The following ZNF248 variants were observed in gnomAD, a reference collection of about 807,000 sequenced individuals.
ZNF248 encodes the protein zinc finger protein 248.
A neutral mutation model predicts 44.3 loss-of-function variants in ZNF248; 20 were observed. The observed-to-expected ratio is 0.45, with a 90% CI of 0.32 to 0.66. The LOEUF (loss-of-function observed/expected upper bound fraction) is 0.66. Ranked by LOEUF, ZNF248 falls within the 30% of genes least tolerant of loss-of-function variation. ZNF248 has a pLI of 0.04. For synonymous variants in ZNF248, 224 were observed against 229.0 expected (o/e 0.98, Z 0.20); for missense variants, 654 against 677.0 (o/e 0.97, Z 0.38).
intron 6 of ZNF248, among the ~76,000 whole-genome samples, chr10:37,790,873 T>C (rs956574873): frequency 1.8e-4 from 27 of 149,332 alleles, no homozygotes; most frequent in African/African-American, 5.9e-4. Flanking sequence ...TGAGCCATGA[T>C]TGAACAACTG....
At chr10:37,828,511 CT>C (rs910061671), downstream of ZNF248, among the ~76,000 whole-genome samples, 11 of 152,254 alleles carry the variant, frequency 7.2e-5, no homozygotes, top group African/African-American at 2.6e-4. Context: ...TCTAGGAGGG[CT>C]TGTCACTGGC....
chr10:37,782,626 T>C (rs1673933874), intron 6 of ZNF248, among the ~76,000 whole-genome samples: 1 of 152,154 alleles, frequency 6.6e-6, no homozygotes, highest in Admixed American at 6.5e-5. Flanking sequence ...TAGGCCCTTT[T>C]CTAATGACTG....
intron 5 of ZNF248, among the ~76,000 whole-genome samples, chr10:37,835,837 G>A (rs573661820): frequency 3.3e-5 from 5 of 152,304 alleles, no homozygotes; most frequent in Non-Finnish European, 2.9e-5. Context: ...ATCATCTTAA[G>A]TTGATGCCTT....
At chr10:37,833,644 T>G (rs1348719329) in intron 5 of ZNF248, among the ~76,000 whole-genome samples, 1 of 152,108 alleles carries the variant, frequency 6.6e-6, no homozygotes, top group East Asian at 1.9e-4. Flanking sequence ...AGCAAGAAAA[T>G]TAACATTCTG....
chr10:37,773,077 T>C (rs1428586214), downstream of ZNF248, among the ~76,000 whole-genome samples: 2 of 152,060 alleles, frequency 1.3e-5, no homozygotes, highest in Non-Finnish European at 2.9e-5. Context: ...CGAAACCCCG[T>C]CCCTACTAAA....
chr10:37,763,816 C>G, the ZNF248 span, among the ~76,000 whole-genome samples: 1 of 152,212 alleles, frequency 6.6e-6, no homozygotes, highest in Admixed American at 6.5e-5. Flanking sequence ...TTACTGCAAT[C>G]TCTGAACATA....
chr10:37,801,507 G>A (rs1287726954), intron 6 of ZNF248, among the ~76,000 whole-genome samples: 1 of 151,962 alleles, frequency 6.6e-6, no homozygotes, highest in Non-Finnish European at 1.5e-5. Flanking sequence ...TAAAATGCAA[G>A]AGAAAAACTT....
chr10:37,771,565 G>A (rs1490778346), downstream of ZNF248, among the ~76,000 whole-genome samples: 2 of 146,144 alleles, frequency 1.4e-5, no homozygotes, highest in Non-Finnish European at 3.0e-5. Context: ...ATAGGTGGGA[G>A]TTGAACAATG....
downstream of ZNF248, chr10:37,828,654 A>C (rs1192874474): frequency 1.0e-6 from 1 of 983,178 alleles, no homozygotes; most frequent in Admixed American, 6.1e-5. Flanking sequence ...TACTAGAAGA[A>C]TGCAGAAAAG....
chr10:37,806,350 C>A (rs1051195457), intron 6 of ZNF248, among the ~76,000 whole-genome samples: 16 of 152,186 alleles, frequency 1.1e-4, no homozygotes, highest in Non-Finnish European at 5.9e-5. Flanking sequence ...GTTTCAACTT[C>A]TCCACATCCT....
chr10:37,837,202 C>G (rs1390026369), intron 5 of ZNF248, among the ~76,000 whole-genome samples: 1 of 152,074 alleles, frequency 6.6e-6, no homozygotes, highest in African/African-American at 2.4e-5. Context: ...CAACCTCCAC[C>G]TCCCAGGTTC....
At chr10:37,853,683 G>A (rs559530279) in intron 3 of ZNF248, among the ~76,000 whole-genome samples, 20 of 152,070 alleles carry the variant, frequency 1.3e-4, no homozygotes, top group Admixed American at 6.6e-4. Context: ...CCCGGCCACC[G>A]GAATGGTATT....
At position 37,819,070 on chromosome 10, in the gene ZNF248, C is replaced by G; in HGVS notation, c.330+13955G>C. On this transcript the variant is annotated intron_variant, in intron 6 of 6. Transcript: ENST00000615949. ...TGTAGCTATCATCATCCATGATCTT[C>G]GAAAGACCAAGCTCTGTAATTTTTC... The G allele has an allele frequency of 5.0e-6, 4 of 795,364 alleles. No individual in the cohort carries two copies. The South Asian group carries it at 5.3e-5, about 11-fold the overall frequency. 49.3% of individuals were successfully genotyped at this position (795,364 alleles called of 1,614,324 possible). A position where few individuals can be genotyped will look rare whatever the true frequency, so the allele number is the denominator to read the frequency against.
the ZNF248 span, among the ~76,000 whole-genome samples, chr10:37,765,892 T>C: frequency 6.6e-6 from 1 of 152,128 alleles, no homozygotes; most frequent in Admixed American, 6.5e-5. Flanking sequence ...ACATGGAAAA[T>C]TGGGTCACTC....
In ZNF248 at chr10:37,823,364, CAAAT is replaced by C. The variant is rs1248608483; in HGVS notation, c.330+9657_330+9660del. Among the ~76,000 whole-genome samples the C allele has an allele frequency of 5.1e-3, 447 of 88,402 alleles. 12 individuals are homozygous for C. The highest frequency in any genetic ancestry group is 0.019 in the African/African-American group (419 of 22,294). The allele number at this position is 88,402 out of a possible 152,430, so 58.0% of individuals were successfully genotyped here. The stretch of plus-strand genomic sequence containing the variant: ...AAAAAAAAAAAAAAAAAAAAAAAAG[CAAAT>C]AACAACAGGAACTAATCATTTTTTA... On this transcript the variant is annotated intron_variant, in intron 6 of 6. Transcript: ENST00000615949.
chr10:37,832,953 ATTTC>A lies in ZNF248; in HGVS notation c.398_401del (p.Arg133IlefsTer12). 6 of 1,613,620 alleles carry A rather than the reference ATTTC, an allele frequency of 3.7e-6. No individual in the cohort carries two copies. The highest frequency in any genetic ancestry group is 5.1e-6 in the Non-Finnish European group (6 of 1,179,764). On this transcript the variant is annotated frameshift_variant, in exon 6 of 6. Coordinates refer to ENST00000395867, the MANE Select transcript of ZNF248 (RefSeq NM_021045.3). LOFTEE classifies it low-confidence loss of function (END_TRUNC). ...ATGAGTCACATATTTTATAGGGATA[ATTTC>A]TTAAAGAAACAGGGTCTGTGCCCAA...
At chr10:37,764,243 G>T in the ZNF248 span, among the ~76,000 whole-genome samples, 1 of 152,164 alleles carries the variant, frequency 6.6e-6, no homozygotes, top group African/African-American at 2.4e-5. Context: ...CATGGTTGAA[G>T]ATAAGGGATG....
chr10:37,854,367 C>G (rs1433958359), intron 3 of ZNF248, among the ~76,000 whole-genome samples: 1 of 152,056 alleles, frequency 6.6e-6, no homozygotes, highest in Non-Finnish European at 1.5e-5. Flanking sequence ...GTAAAAGACA[C>G]TGGGGGGGAA....
At chr10:37,764,541 A>C in the ZNF248 span, among the ~76,000 whole-genome samples, 4 of 152,192 alleles carry the variant, frequency 2.6e-5, no homozygotes, top group Non-Finnish European at 5.9e-5. Flanking sequence ...AAAATCACTA[A>C]TAAAAACTTG....
Sources: allele counts gnomAD v4.1 joint callset (sites outside exome capture counted in the v4.1 genomes callset), GRCh38; gene constraint gnomAD v4.1.1; transcripts MANE v1.5; gene names NCBI Gene and HGNC (gene_info 2026-07-23, HGNC 2026-07-21).